Variants in CALN1 observed in about 807,000 individuals in gnomAD.
CALN1 encodes the protein calcium-binding protein 8.
CALN1 carries 17 observed loss-of-function variants against 30.6 expected under a neutral mutation model. That is an observed-to-expected ratio of 0.56 (90% confidence interval 0.38 to 0.83). The LOEUF (loss-of-function observed/expected upper bound fraction) is 0.83, where lower values mean the gene tolerates loss of function less well. Ranked by LOEUF, CALN1 falls within the 40% of genes least tolerant of loss-of-function variation. CALN1 has a pLI of 0.00. For missense variants in CALN1, 291 were observed against 354.9 expected (o/e 0.82, Z 1.45); for synonymous variants, 156 against 131.4 (o/e 1.19, Z -1.28).
chr7:72,304,250 T>C (rs1423480418), intron 2 of CALN1, among the ~76,000 whole-genome samples: 1 of 152,198 alleles, frequency 6.6e-6, no homozygotes, highest in Admixed American at 6.5e-5. Context: ...TGGCAGAGAC[T>C]GGGATGGGAA....
intron 3 of CALN1, among the ~76,000 whole-genome samples, chr7:72,177,345 C>A (rs948367822): frequency 6.6e-6 from 1 of 152,144 alleles, no homozygotes; most frequent in Non-Finnish European, 1.5e-5. Flanking sequence ...TGTCATGACT[C>A]TTAAGCAGGC....
intron 5 of CALN1, among the ~76,000 whole-genome samples, chr7:71,895,490 T>TG (rs1454951356): frequency 6.6e-6 from 1 of 152,220 alleles, no homozygotes; most frequent in Non-Finnish European, 1.5e-5. Flanking sequence ...AAGAGTGACA[T>TG]GACTCATTTT....
chr7:72,381,892 G>A (rs555694616), intron 2 of CALN1, among the ~76,000 whole-genome samples: 1 of 152,216 alleles, frequency 6.6e-6, no homozygotes, highest in Admixed American at 6.5e-5. Context: ...GATGCTCCAA[G>A]AAATAAGCCA....
intron 3 of CALN1, among the ~76,000 whole-genome samples, chr7:72,115,765 C>T (rs922151407): frequency 4.6e-5 from 7 of 152,020 alleles, no homozygotes; most frequent in Middle Eastern, 3.4e-3. Flanking sequence ...GGATTACAGG[C>T]GTGAGTCACC....
At chr7:72,010,564 C>T (rs1003661180) in intron 5 of CALN1, among the ~76,000 whole-genome samples, 1 of 152,024 alleles carries the variant, frequency 6.6e-6, no homozygotes, top group African/African-American at 2.4e-5. Context: ...GTAATCTCAG[C>T]ACTTTGGGAG....
intron 1 of CALN1, among the ~76,000 whole-genome samples, chr7:72,438,443 C>T (rs1808245239): frequency 1.3e-5 from 2 of 152,146 alleles, no homozygotes; most frequent in South Asian, 4.1e-4. Flanking sequence ...TCTTGACTCC[C>T]TATTTCTCCA....
chr7:72,284,497 C>G lies in CALN1; in HGVS notation c.120-5687G>C, dbSNP rs780667525. Among the ~76,000 whole-genome samples, 7 of 133,774 alleles carry G rather than the reference C, an allele frequency of 5.2e-5. No homozygotes were observed. In the East Asian group the frequency reaches 1.7e-3, roughly 32 times the overall value. 87.8% of individuals were successfully genotyped at this position (133,774 alleles called of 152,430 possible). On this transcript the variant is annotated intron_variant, in intron 2 of 6. Transcript: ENST00000395275. ...TTTTGAATTGGTAGTCTGAGTAAAGCAGATTCTCCTCCCCAGTGTGGGTGG... is the reference window on the plus strand; with the variant it reads ...TTTTGAATTGGTAGTCTGAGTAAAGGAGATTCTCCTCCCCAGTGTGGGTGG...
chr7:72,427,039 G>C (rs1247982677), intron 1 of CALN1, among the ~76,000 whole-genome samples: 1 of 152,206 alleles, frequency 6.6e-6, no homozygotes, highest in East Asian at 1.9e-4. Flanking sequence ...CTAGAGCGCA[G>C]TTGTGTGATC....
the CALN1 span, among the ~76,000 whole-genome samples, chr7:72,484,432 G>A: frequency 6.6e-6 from 1 of 152,098 alleles, no homozygotes; most frequent in Non-Finnish European, 1.5e-5. Flanking sequence ...GAATTGTGAG[G>A]TTTTCTATTC....
chr7:72,331,249 C>T (rs1386561159), intron 2 of CALN1, among the ~76,000 whole-genome samples: 4 of 151,922 alleles, frequency 2.6e-5, no homozygotes, highest in Admixed American at 6.6e-5. Context: ...ACTCAAGAGG[C>T]GGGGGCAGAA....
rs539271780 is a variant in CALN1 at position 72,376,051 on chromosome 7, A to C, written c.119+27200T>G. The stretch of plus-strand genomic sequence containing the variant: ...TTTCTTTGCCTAGCATAATGTTTTT[A>C]AGGTTTAGCCATATTTGTATTTTAT... On this transcript the variant is annotated intron_variant, in intron 2 of 6. Transcript: ENST00000395275. Among the ~76,000 whole-genome samples the C allele has an allele frequency of 2.0e-5, 3 of 152,286 alleles. No individual in the cohort carries two copies. In the South Asian group the frequency reaches 6.2e-4, roughly 32 times the overall value.
Position 71,780,703 on chromosome 7 carries a change from A to G in CALN1, c.*7072T>C, listed in dbSNP as rs76596366. 6.6e-6 allele frequency: 1 copy of G among 152,118 alleles called. No homozygotes were observed. The highest frequency in any genetic ancestry group is 2.4e-5 in the African/African-American group (1 of 41,436). 9.4% of individuals were successfully genotyped at this position (152,118 alleles called of 1,614,324 possible). A position where few individuals can be genotyped will look rare whatever the true frequency, so the allele number is the denominator to read the frequency against. On this transcript the variant is annotated 3_prime_UTR_variant, in exon 7 of 7. Transcript: ENST00000395275. ...AGTGCTGTTATAGTGGCCAGAAAAA[A>G]AAAAAAGCAAAGAAAGAAATAACTG...
chr7:72,263,384 A>T (rs1423250179), intron 3 of CALN1, among the ~76,000 whole-genome samples: 2 of 151,910 alleles, frequency 1.3e-5, no homozygotes, highest in Admixed American at 1.3e-4. Flanking sequence ...ATGCATTTTT[A>T]TTTTATTTTA....
intron 3 of CALN1, among the ~76,000 whole-genome samples, chr7:72,151,817 T>C (rs1331634848): frequency 1.3e-5 from 2 of 152,080 alleles, no homozygotes; most frequent in African/African-American, 2.4e-5. Context: ...GCTCAAGAGA[T>C]CCTTTGATCT....
intron 3 of CALN1, among the ~76,000 whole-genome samples, chr7:72,110,281 C>T (rs929889536): frequency 1.3e-5 from 2 of 152,150 alleles, no homozygotes; most frequent in South Asian, 2.1e-4. Flanking sequence ...AATGAGGACC[C>T]GGACAGCTGA....
chr7:72,378,677 C>T (rs1172808326), intron 2 of CALN1, among the ~76,000 whole-genome samples: 1 of 96,920 alleles, frequency 1.0e-5, no homozygotes, highest in East Asian at 3.2e-4. Flanking sequence ...TTTTTATTTC[C>T]ATCTGCCAAG....
At chr7:72,032,896 A>C (rs1216891796) in intron 4 of CALN1, among the ~76,000 whole-genome samples, 6 of 152,176 alleles carry the variant, frequency 3.9e-5, no homozygotes, top group Admixed American at 3.9e-4. Flanking sequence ...TCAAACTGCC[A>C]TTACAGAATC....
intron 3 of CALN1, among the ~76,000 whole-genome samples, chr7:72,120,666 T>C (rs866647036): frequency 6.6e-6 from 1 of 152,180 alleles, no homozygotes; most frequent in South Asian, 2.1e-4. Context: ...CTGCTTCCCA[T>C]GAATTTCAGG....
At chr7:72,319,728 G>C (rs938013308) in intron 2 of CALN1, among the ~76,000 whole-genome samples, 2 of 152,156 alleles carry the variant, frequency 1.3e-5, no homozygotes, top group African/African-American at 4.8e-5. Context: ...AAAGAACAGA[G>C]GTAAATCTGT....
Sources: gnomAD v4.1 joint callset for allele counts (sites outside exome capture counted in the v4.1 genomes callset) on GRCh38, gnomAD v4.1.1 for gene constraint, MANE v1.5 for transcripts, NCBI Gene and HGNC (gene_info 2026-07-23, HGNC 2026-07-21) for gene names.